The following GRID2 variants were observed in gnomAD, a reference collection of about 807,000 sequenced individuals.
GRID2 encodes glutamate receptor ionotropic, delta-2.
Under a neutral mutation model 114.8 loss-of-function variants are expected in GRID2, and 33 were observed. The ratio of observed to expected loss-of-function variants is 0.29; its 90% CI spans 0.22 to 0.38. The LOEUF (loss-of-function observed/expected upper bound fraction) is 0.38, where lower values mean the gene tolerates loss of function less well. GRID2 is among the 10% of genes least tolerant of loss of function. GRID2 has a pLI of 1.00. For missense variants in GRID2, 1,184 were observed against 1,257.7 expected (o/e 0.94, Z 0.89); for synonymous variants, 505 against 449.9 (o/e 1.12, Z -1.55).
At position 93,549,068 on chromosome 4, in the gene GRID2, A is replaced by T. The variant is rs182694186; in HGVS notation, c.2193+33657A>T. On this transcript the variant is annotated intron_variant, in intron 13 of 15. Coordinates refer to ENST00000282020, the MANE Select transcript of GRID2 (RefSeq NM_001510.4). Reference sequence around the variant, plus strand: ...AAAATATCTCTTTATCAAATCAAAGATCAACTAAAAATCTATAGCTTAAAC... The same window carrying T: ...AAAATATCTCTTTATCAAATCAAAGTTCAACTAAAAATCTATAGCTTAAAC... 3.9e-5 allele frequency among the ~76,000 whole-genome samples: 6 copies of T among 152,316 alleles called. 1 individual carries two copies. Among genetic ancestry groups the T allele is most frequent in the Non-Finnish European group, 8.8e-5 (6 of 68,034 alleles).
chr4:93,448,864 T>G, intron 10 of GRID2, among the ~76,000 whole-genome samples: 1 of 25,718 alleles, frequency 3.9e-5, no homozygotes, highest in African/African-American at 2.3e-4. Flanking sequence ...CCCTTCCCCT[T>G]CCCTTCCCCT....
chr4:93,802,341 A>G (rs981177837), intron 1 of GRID2, among the ~76,000 whole-genome samples: 1 of 151,710 alleles, frequency 6.6e-6, no homozygotes, highest in African/African-American at 2.4e-5. Flanking sequence ...GACATAAACC[A>G]CCCACTGCCA....
chr4:93,100,414 C>A (rs1731595062), intron 3 of GRID2, among the ~76,000 whole-genome samples: 1 of 151,794 alleles, frequency 6.6e-6, no homozygotes, highest in Non-Finnish European at 1.5e-5. Flanking sequence ...GACTCAAATT[C>A]TTTTTGAAGT....
chr4:93,631,058 T>C (rs1175449619), intron 14 of GRID2, among the ~76,000 whole-genome samples: 5 of 152,162 alleles, frequency 3.3e-5, no homozygotes, highest in African/African-American at 1.2e-4. Context: ...GTAAAGTAAC[T>C]TGTGCAAGTT....
rs181868789 is a variant in GRID2 at position 93,149,118 on chromosome 4, C to T, written c.735+38165C>T. ...TTTGTGACCCCTCAGCAGCAGATCC[C>T]GTGTGACGCTGCTAAGCATACATTG... is the stretch of plus-strand genomic sequence containing the variant. On this transcript the variant is annotated intron_variant, in intron 4 of 15. Coordinates refer to ENST00000282020, the MANE Select transcript of GRID2 (RefSeq NM_001510.4). 9.2e-5 allele frequency among the ~76,000 whole-genome samples: 14 copies of T among 152,134 alleles called. No homozygotes were observed. In the East Asian group the frequency reaches 1.4e-3, roughly 15 times the overall value.
chr4:93,154,133 A>G (rs1398224878), intron 4 of GRID2, among the ~76,000 whole-genome samples: 3 of 152,094 alleles, frequency 2.0e-5, no homozygotes, highest in Admixed American at 6.6e-5. Context: ...TTAGGAAAAT[A>G]ATAATTGAAC....
chr4:92,305,670 C>T (rs1579149709), intron 1 of GRID2, among the ~76,000 whole-genome samples: 1 of 152,050 alleles, frequency 6.6e-6, no homozygotes. Flanking sequence ...GGCAACCAGA[C>T]GGGCCGGGAC....
chr4:92,977,809 A>G (rs1303356028), intron 2 of GRID2, among the ~76,000 whole-genome samples: 1 of 152,200 alleles, frequency 6.6e-6, no homozygotes, highest in Admixed American at 6.5e-5. Context: ...GGTGATTTCC[A>G]TATTTCTAGT....
At chr4:93,253,540 TC>T (rs537611677) in intron 8 of GRID2, among the ~76,000 whole-genome samples, 168 of 152,234 alleles carry the variant, frequency 1.1e-3, no homozygotes, top group Middle Eastern at 3.4e-3. Flanking sequence ...AACATGAATG[TC>T]CACATTGTTC....
intron 1 of GRID2, among the ~76,000 whole-genome samples, chr4:92,341,871 C>A (rs1259083629): frequency 6.7e-6 from 1 of 149,272 alleles, no homozygotes; most frequent in African/African-American, 2.5e-5. Context: ...GCTGAGATCG[C>A]GCCATTGCAC....
intron 2 of GRID2, among the ~76,000 whole-genome samples, chr4:92,875,604 A>G (rs1179500429): frequency 6.6e-6 from 1 of 152,214 alleles, no homozygotes; most frequent in Non-Finnish European, 1.5e-5. Context: ...CTTTTAGAAT[A>G]TTATTTTGAA....
At chr4:92,444,469 G>C (rs2149071725) in intron 1 of GRID2, among the ~76,000 whole-genome samples, 1 of 152,264 alleles carries the variant, frequency 6.6e-6, no homozygotes, top group South Asian at 2.1e-4. Flanking sequence ...ACTTTCACAA[G>C]GTAATGTCAT....
chr4:93,389,523 A>C (rs1050749236), intron 8 of GRID2, among the ~76,000 whole-genome samples: 1 of 152,176 alleles, frequency 6.6e-6, no homozygotes, highest in African/African-American at 2.4e-5. Flanking sequence ...GTTTTAAATC[A>C]TGGATTTGTT....
At chr4:92,711,028 C>T (rs190025527) in intron 2 of GRID2, among the ~76,000 whole-genome samples, 1 of 150,862 alleles carries the variant, frequency 6.6e-6, no homozygotes, top group Non-Finnish European at 1.5e-5. Context: ...TTTAATTTTC[C>T]CTGGAGGTTA....
intron 1 of GRID2, among the ~76,000 whole-genome samples, chr4:92,332,593 TAA>T (rs1254210659): frequency 7.9e-5 from 12 of 152,190 alleles, no homozygotes; most frequent in Non-Finnish European, 1.8e-4. Flanking sequence ...ATACAAAGTT[TAA>T]AGTTTCATCT....
intron 2 of GRID2, among the ~76,000 whole-genome samples, chr4:92,873,256 T>C (rs1332518743): frequency 6.6e-6 from 1 of 152,170 alleles, no homozygotes; most frequent in African/African-American, 2.4e-5. Context: ...AGTATAGTTT[T>C]CACAGACTCA....
At chr4:93,260,839 C>A (rs1055074404) in intron 8 of GRID2, among the ~76,000 whole-genome samples, 3 of 151,754 alleles carry the variant, frequency 2.0e-5, no homozygotes, top group African/African-American at 7.2e-5. Flanking sequence ...ATAAAAGAGA[C>A]ATGGTGTGGC....
chr4:92,506,177 C>T (rs936729652), intron 1 of GRID2, among the ~76,000 whole-genome samples: 1 of 151,870 alleles, frequency 6.6e-6, no homozygotes, highest in East Asian at 1.9e-4. Flanking sequence ...TCAAGGGATA[C>T]AAAATATAGC....
chr4:92,415,728 G>A (rs533383572), intron 1 of GRID2, among the ~76,000 whole-genome samples: 2,567 of 90,274 alleles, frequency 0.028, 78 homozygotes, highest in African/African-American at 0.084. Context: ...GTGTGTGTGT[G>A]TGTGTATGTG....
Sources: allele counts gnomAD v4.1 joint callset (sites outside exome capture counted in the v4.1 genomes callset), GRCh38; gene constraint gnomAD v4.1.1; transcripts MANE v1.5; gene names NCBI Gene and HGNC (gene_info 2026-07-23, HGNC 2026-07-21).